HERPUD1: variants seen among roughly 807,000 people sequenced by gnomAD.
The protein encoded by HERPUD1 is homocysteine-responsive endoplasmic reticulum-resident ubiquitin-like domain member 1 protein.
Under a neutral mutation model 45.0 loss-of-function variants are expected in HERPUD1, and 17 were observed. That is an observed-to-expected ratio of 0.38 (90% confidence interval 0.26 to 0.57). The LOEUF (loss-of-function observed/expected upper bound fraction) is 0.57, where lower values mean the gene tolerates loss of function less well. Ranked by LOEUF, HERPUD1 falls within the 20% of genes least tolerant of loss-of-function variation. The pLI is 0.72. For missense variants in HERPUD1, 420 were observed against 490.5 expected (o/e 0.86, Z 1.36); for synonymous variants, 164 against 177.5 (o/e 0.92, Z 0.61).
chr16:56,941,940 A>G (rs1384567369), intron 6 of HERPUD1, 192 bp from the exon 7 acceptor site: 2 of 548,512 alleles, frequency 3.6e-6, no homozygotes, highest in Middle Eastern at 4.8e-4. Context: ...AATAAAACAC[A>G]GTCCCTGCCT....
intron 1 of HERPUD1, among the ~76,000 whole-genome samples, chr16:56,932,634 C>T (rs566055070): frequency 6.6e-6 from 1 of 152,386 alleles, no homozygotes; most frequent in African/African-American, 2.4e-5. Flanking sequence ...ACCCTCCAAG[C>T]CTGTTTCTCC....
intron 6 of HERPUD1, chr16:56,941,310 C>T (rs1286724695): frequency 6.6e-6 from 1 of 152,186 alleles, no homozygotes; most frequent in Non-Finnish European, 1.5e-5. Context: ...CAGTAGTTCT[C>T]AACTGGGGGT....
In HERPUD1 at chr16:56,932,159, T is replaced by G. The variant is rs37024; in HGVS notation, c.-86T>G. The G allele has an allele frequency of 0.55, 858,282 of 1,553,400 alleles. 242,551 individuals are homozygous for G. Among genetic ancestry groups the G allele is most frequent in the African/African-American group, 0.86 (63,572 of 73,774 alleles). On this transcript the variant is annotated 5_prime_UTR_variant, in exon 1 of 8. Coordinates refer to ENST00000439977, the MANE Select transcript of HERPUD1 (RefSeq NM_014685.4). ...GGGCGCGCGCCCCAGAGACGTGAAC[T>G]GTCGTTGCAGAGATTGCGGGCGGCT...
intron 1 of HERPUD1, 163 bp from the exon 2 acceptor site, chr16:56,935,072 C>G (rs1379741771): frequency 8.3e-6 from 5 of 602,136 alleles, no homozygotes; most frequent in African/African-American, 7.4e-5. Flanking sequence ...AAGACACTTT[C>G]TAAATAGAAG....
intron 1 of HERPUD1, 71 bp from the exon 2 acceptor site, chr16:56,935,164 A>C: frequency 3.0e-6 from 3 of 1,015,938 alleles, no homozygotes; most frequent in Non-Finnish European, 4.7e-6. Flanking sequence ...TGTATAAAAC[A>C]GTTTATTCTG....
At position 56,943,278 on chromosome 16, in the gene HERPUD1, C is replaced by T; in HGVS notation, c.1164C>T (p.Ala388=). The change falls in exon 8 of 8, where the codon GCC becomes GCT. Residue 388 remains alanine, a synonymous_variant. Transcript: ENST00000439977. ...CTCTTCTTCCAGAAGGCCCCCCAGCCATCGCAAACTGATGGTGTTTGTGCT... is the reference window on the plus strand; with the variant it reads ...CTCTTCTTCCAGAAGGCCCCCCAGCTATCGCAAACTGATGGTGTTTGTGCT... ...FASLLPEGPP[A]IAN The T allele has an allele frequency of 6.2e-7, 1 of 1,614,096 alleles. No homozygotes were observed. Among genetic ancestry groups the T allele is most frequent in the Non-Finnish European group, 8.5e-7 (1 of 1,180,040 alleles).
chr16:56,935,295 A>G lies in HERPUD1; in HGVS notation c.208A>G (p.Arg70Gly). The change falls in exon 2 of 8, where the codon AGG becomes GGG. Residue 70 changes from arginine (R) to glycine (G), a missense_variant. Arg to Gly is a moderately radical substitution (Grantham distance 125). Transcript: ENST00000439977. The stretch of plus-strand genomic sequence containing the variant: ...GCTGTTGTTGGATCACCAATGTCTC[A>G]GGGACTTGCTTCCAAAGGTACATCA... The part of the protein sequence containing the change: ...GKLLLDHQCL[R>G]DLLPKQEKRH... 6.2e-7 allele frequency: 1 copy of G among 1,613,666 alleles called. No individual in the cohort carries two copies. Among genetic ancestry groups the G allele is most frequent in the Non-Finnish European group, 8.5e-7 (1 of 1,179,522 alleles).
chr16:56,938,246 G>A (rs1347739766), intron 4 of HERPUD1, among the ~76,000 whole-genome samples: 1 of 152,208 alleles, frequency 6.6e-6, no homozygotes, highest in Non-Finnish European at 1.5e-5. Flanking sequence ...CTGTGAAGTT[G>A]AGGGCTGTGT....
chr16:56,938,801 G>A (rs2562126), intron 4 of HERPUD1, among the ~76,000 whole-genome samples: 25,876 of 152,044 alleles, frequency 0.17, 2,296 homozygotes, highest in Middle Eastern at 0.31. Flanking sequence ...AGATTCAGAT[G>A]GAGGATGGAG....
In HERPUD1 at chr16:56,935,490, T is replaced by G. The variant is rs747173536; in HGVS notation, c.300+15T>G. The G allele has an allele frequency of 6.2e-7, 1 of 1,605,844 alleles. No individual in the cohort carries two copies. The highest frequency in any genetic ancestry group is 1.3e-5 in the African/African-American group (1 of 74,898). On this transcript the variant is annotated intron_variant, in intron 3 of 7. Transcript: ENST00000439977. ...TCAACGCCAAGGTGTGTCTGCCTCT[T>G]CATGATGGTAACAATTTGTATCATT...
chr16:56,934,702 CTTTTTTTTTTTTTTT>C (rs869088050), intron 1 of HERPUD1, among the ~76,000 whole-genome samples: 1 of 59,906 alleles, frequency 1.7e-5, no homozygotes, highest in Non-Finnish European at 3.1e-5. Flanking sequence ...ATTTGCCATT[CTTTTTTTTTTTTTTT>C]TTTTTTTTTT....
intron 5 of HERPUD1, 97 bp from the exon 6 acceptor site, chr16:56,939,798 T>G: frequency 4.4e-6 from 4 of 911,418 alleles, no homozygotes; most frequent in Non-Finnish European, 6.7e-6. Flanking sequence ...TCTACCTACT[T>G]GAAATTCTTA....
At chr16:56,934,155 A>G (rs2055847171) in intron 1 of HERPUD1, among the ~76,000 whole-genome samples, 1 of 152,242 alleles carries the variant, frequency 6.6e-6, no homozygotes, top group Non-Finnish European at 1.5e-5. Flanking sequence ...TTCTGGCAAG[A>G]GTAGATTAAC....
intron 4 of HERPUD1, 97 bp from the exon 5 acceptor site, chr16:56,939,140 C>A: frequency 7.3e-7 from 1 of 1,367,194 alleles, no homozygotes; most frequent in Non-Finnish European, 1.0e-6. Flanking sequence ...ATTCTTCTGT[C>A]TCTTCGATTT....
chr16:56,940,315 T>G (rs2055899991), intron 6 of HERPUD1, 70 bp downstream of exon 6: 1 of 1,164,624 alleles, frequency 8.6e-7, no homozygotes, highest in African/African-American at 1.5e-5. Flanking sequence ...TTGCTCTTTT[T>G]GTTTCTTGTT....
chr16:56,936,680 T>G lies in HERPUD1; in HGVS notation c.301-7T>G, dbSNP rs112681427. ...CTTTGTTCTGTGTTCATGTTACACT[T>G]ATTTAGGTGGCTGAATCCACAGAGG... On this transcript the variant is annotated splice_polypyrimidine_tract_variant and splice_region_variant and intron_variant, in intron 3 of 7. Transcript: ENST00000439977. The G allele has an allele frequency of 3.7e-4, 604 of 1,611,374 alleles. 6 individuals are homozygous for G. The African/African-American group carries it at 6.5e-3, about 17-fold the overall frequency.
At chr16:56,936,635 T>G (rs2055868406) in intron 3 of HERPUD1, 52 bp from the exon 4 acceptor site, 17 of 1,493,974 alleles carry the variant, frequency 1.1e-5, no homozygotes, top group Non-Finnish European at 1.3e-5. Flanking sequence ...TTGCTTGATT[T>G]CAGACAGTTG....
chr16:56,943,346 A>T lies in HERPUD1; in HGVS notation c.*56A>T. On this transcript the variant is annotated 3_prime_UTR_variant, in exon 8 of 8. Transcript: ENST00000439977. ...TGACAGGAATGGACTGGATCACCTG[A>T]CTCCAGCTAGATTGCCTCTCCTGGA... 1 of 1,592,774 alleles carries T rather than the reference A, an allele frequency of 6.3e-7. No homozygotes were observed.
In HERPUD1 at chr16:56,943,415, T is replaced by G; in HGVS notation, c.*125T>G. The G allele has an allele frequency of 8.8e-7, 1 of 1,139,472 alleles. No homozygotes were observed. Among genetic ancestry groups the G allele is most frequent in the Non-Finnish European group, 1.3e-6 (1 of 755,722 alleles). 70.6% of individuals were successfully genotyped at this position (1,139,472 alleles called of 1,614,324 possible). A position where few individuals can be genotyped will look rare whatever the true frequency, so the allele number is the denominator to read the frequency against. ...TTAAAAAACAGTGTGGATGATGATA[T>G]GCTTTTGTGAGCAAGCAAAAGCAGA... On this transcript the variant is annotated 3_prime_UTR_variant, in exon 8 of 8. Coordinates refer to ENST00000439977, the MANE Select transcript of HERPUD1 (RefSeq NM_014685.4).
Sources: gnomAD v4.1 joint callset for allele counts (sites outside exome capture counted in the v4.1 genomes callset) on GRCh38, gnomAD v4.1.1 for gene constraint, MANE v1.5 for transcripts, NCBI Gene and HGNC (gene_info 2026-07-23, HGNC 2026-07-21) for gene names.